Variants in UBR3 observed in about 807,000 individuals in gnomAD.
UBR3 encodes the protein ubiquitin protein ligase E3 component n-recognin 3.
Under a neutral mutation model 243.2 loss-of-function variants are expected in UBR3, and 85 were observed. The ratio of observed to expected loss-of-function variants is 0.35; its 90% CI spans 0.29 to 0.42. UBR3 has a LOEUF of 0.42. UBR3 is among the 10% of genes least tolerant of loss of function. The pLI, the probability that UBR3 is intolerant of heterozygous loss-of-function variation, is 1.00. For synonymous variants in UBR3, 748 were observed against 799.8 expected (o/e 0.94, Z 1.09); for missense variants, 1,686 against 2,300.8 (o/e 0.73, Z 5.47).
At chr2:170,075,622 C>T (rs2091790838) in intron 36 of UBR3, among the ~76,000 whole-genome samples, 1 of 152,054 alleles carries the variant, frequency 6.6e-6, no homozygotes, top group Non-Finnish European at 1.5e-5. Flanking sequence ...TATGTAAGTA[C>T]ACCACCATTT....
chr2:170,052,971 T>G (rs2091255199), intron 32 of UBR3, among the ~76,000 whole-genome samples: 1 of 152,170 alleles, frequency 6.6e-6, no homozygotes, highest in Admixed American at 6.5e-5. Context: ...TAATATAATT[T>G]TTGTCAATTA....
intron 24 of UBR3, among the ~76,000 whole-genome samples, chr2:169,977,168 A>C (rs1225594627): frequency 6.6e-6 from 1 of 152,042 alleles, no homozygotes; most frequent in Non-Finnish European, 1.5e-5. Flanking sequence ...TCTTGTATCT[A>C]ATTGAGTTTC....
chr2:169,857,237 G>A (rs764429668), intron 1 of UBR3, among the ~76,000 whole-genome samples: 31 of 151,144 alleles, frequency 2.1e-4, no homozygotes, highest in Non-Finnish European at 4.0e-4. Context: ...ACCATGCCCA[G>A]CTAATTTTTG....
intron 30 of UBR3, among the ~76,000 whole-genome samples, chr2:170,022,288 G>A (rs945053759): frequency 6.6e-6 from 1 of 152,152 alleles, no homozygotes; most frequent in Non-Finnish European, 1.5e-5. Context: ...GGCATACTGT[G>A]CCTGGGAGTG....
chr2:169,842,010 G>T lies in UBR3; in HGVS notation c.545+13958G>T, dbSNP rs201353165. Among the ~76,000 whole-genome samples, 13 of 152,362 alleles carry T rather than the reference G, an allele frequency of 8.5e-5. 1 individual carries two copies. In the East Asian group the frequency reaches 2.5e-3, roughly 29 times the overall value. On this transcript the variant is annotated intron_variant, in intron 1 of 38. Coordinates refer to ENST00000272793, the MANE Select transcript of UBR3 (RefSeq NM_172070.4). ...CAGCTGGGCTCCTGAGTCTGGTGGG[G>T]ACGTGGAGAGTCTTTATATCTAGCT...
At chr2:169,963,567 A>G (rs1171997142) in intron 24 of UBR3, among the ~76,000 whole-genome samples, 1 of 152,118 alleles carries the variant, frequency 6.6e-6, no homozygotes, top group East Asian at 1.9e-4. Flanking sequence ...TTAGCCTGTA[A>G]TCTTGAGTTA....
intron 23 of UBR3, among the ~76,000 whole-genome samples, chr2:169,953,338 G>T (rs936027264): frequency 5.9e-5 from 9 of 152,096 alleles, no homozygotes; most frequent in Non-Finnish European, 1.3e-4. Context: ...CATAATAAAG[G>T]CAGAACAGTT....
chr2:169,859,891 A>AT (rs1197328847), intron 1 of UBR3, among the ~76,000 whole-genome samples: 6 of 151,514 alleles, frequency 4.0e-5, no homozygotes, highest in Non-Finnish European at 7.4e-5. Context: ...TAATTTTTGT[A>AT]TTTTTTTAGT....
chr2:169,909,345 T>A (rs528237796), intron 10 of UBR3, among the ~76,000 whole-genome samples: 1 of 152,280 alleles, frequency 6.6e-6, no homozygotes, highest in South Asian at 2.1e-4. Flanking sequence ...AAGACTGGAT[T>A]TGAGCAGGAG....
At chr2:169,987,473 G>A (rs2089073553) in intron 25 of UBR3, among the ~76,000 whole-genome samples, 1 of 150,796 alleles carries the variant, frequency 6.6e-6, no homozygotes, top group Non-Finnish European at 1.5e-5. Context: ...AATATTGTCA[G>A]TTTTTAATTA....
intron 29 of UBR3, among the ~76,000 whole-genome samples, 156 bp downstream of exon 29, chr2:170,009,096 GTGCAGCTTTATTTCC>G (rs1255853752): frequency 6.6e-6 from 1 of 152,094 alleles, no homozygotes; most frequent in East Asian, 1.9e-4. Flanking sequence ...AACTATAACT[GTGCAGCTTTATTTCC>G]TGAAGAGGTT....
rs565654424 is a variant in UBR3, at chr2:169,947,564, G to A, written c.2933G>A (p.Arg978His). 1.3e-5 allele frequency: 20 copies of A among 1,506,232 alleles called. No individual in the cohort carries two copies. In the East Asian group the frequency reaches 2.5e-4, roughly 19 times the overall value. The allele number at this position is 1,506,232 out of a possible 1,614,324, so 93.3% of individuals were successfully genotyped here. Residue 978 changes from arginine to histidine, a missense_variant, in exon 22 of 39, where the codon CGT becomes CAT. This residue lies in a region of UBR3 where 300 missense variants were observed against 314.4 expected (regional missense o/e 0.95). Transcript: ENST00000272793. ...DEEASVGGPERCHDSWFPGSN... is the reference protein window; with the variant it reads ...DEEASVGGPEHCHDSWFPGSN... The stretch of plus-strand genomic sequence containing the variant: ...TAGGCATCAGTGGGTGGACCAGAAC[G>A]TTGTCATGACAGTTGGTTTCCTGGC...
At chr2:169,838,387 TTGTGTGTGTG>T (rs544974959) in intron 1 of UBR3, among the ~76,000 whole-genome samples, 10,135 of 113,960 alleles carry the variant, frequency 0.089, 376 homozygotes, top group Admixed American at 0.1. Context: ...ATTAAGGCAT[TTGTGTGTGTG>T]TGTGTGTGTG....
intron 11 of UBR3, among the ~76,000 whole-genome samples, chr2:169,917,558 C>G (rs1295774771): frequency 6.6e-6 from 1 of 152,072 alleles, no homozygotes. Context: ...TACAGAGCAG[C>G]TGAACTCTAG....
chr2:169,977,425 A>T (rs1042752469), intron 24 of UBR3, among the ~76,000 whole-genome samples: 3 of 152,174 alleles, frequency 2.0e-5, no homozygotes, highest in Non-Finnish European at 4.4e-5. Context: ...ACCATGGTTC[A>T]TTCCAAGTCT....
intron 19 of UBR3, among the ~76,000 whole-genome samples, chr2:169,933,338 T>C (rs1038943154): frequency 3.3e-5 from 5 of 152,214 alleles, no homozygotes; most frequent in African/African-American, 9.6e-5. Flanking sequence ...GTTAAGAGAA[T>C]AGAATTCTCT....
Position 169,872,352 on chromosome 2 carries a change from TAAGAG to T in UBR3, c.666_670del (p.Glu223LeufsTer2). 1 of 1,489,888 alleles carries T rather than the reference TAAGAG, an allele frequency of 6.7e-7. No homozygotes were observed. Among genetic ancestry groups the T allele is most frequent in the Non-Finnish European group, 9.1e-7 (1 of 1,101,496 alleles). 92.3% of individuals were successfully genotyped at this position (1,489,888 alleles called of 1,614,324 possible). A position where few individuals can be genotyped will look rare whatever the true frequency, so the allele number is the denominator to read the frequency against. ...TTTATATTTTGTCTTATTCAGTACT[TAAGAG>T]AAGGCTATAATGAACCAGGTATGTT... is the stretch of plus-strand genomic sequence containing the variant. On this transcript the variant is annotated frameshift_variant, in exon 2 of 39. Coordinates refer to ENST00000272793, the MANE Select transcript of UBR3 (RefSeq NM_172070.4). LOFTEE classifies it high-confidence loss of function.
intron 31 of UBR3, among the ~76,000 whole-genome samples, chr2:170,039,731 T>G (rs952429200): frequency 6.6e-6 from 1 of 152,212 alleles, no homozygotes; most frequent in African/African-American, 2.4e-5. Context: ...GCTTAAGATT[T>G]ACTTTTCTTC....
chr2:169,833,625 C>A (rs932763018), intron 1 of UBR3, among the ~76,000 whole-genome samples: 1 of 151,796 alleles, frequency 6.6e-6, no homozygotes, highest in African/African-American at 2.4e-5. Context: ...TTTTTAGTTT[C>A]AGAAGTAATA....
Sources: allele counts gnomAD v4.1 joint callset (sites outside exome capture counted in the v4.1 genomes callset), GRCh38; gene constraint gnomAD v4.1.1; regional missense constraint gnomAD v4.1.1; transcripts MANE v1.5; gene names NCBI Gene and HGNC (gene_info 2026-07-23, HGNC 2026-07-21).